Variants in CPNE4 observed in about 807,000 individuals in gnomAD.
CPNE4 encodes the protein copine 4, also known as copine-4.
A neutral mutation model predicts 67.9 loss-of-function variants in CPNE4; 25 were observed. That is an observed-to-expected ratio of 0.37 (90% confidence interval 0.27 to 0.51). The LOEUF is 0.51. Among genes scored for constraint, CPNE4 ranks in the 20% least tolerant of loss-of-function variants. The pLI, the probability that CPNE4 is intolerant of heterozygous loss-of-function variation, is 0.93. For synonymous variants in CPNE4, 242 were observed against 244.9 expected (o/e 0.99, Z 0.11); for missense variants, 464 against 690.8 (o/e 0.67, Z 3.68).
At chr3:131,956,378 G>A (rs1040702356) in intron 1 of CPNE4, among the ~76,000 whole-genome samples, 2 of 152,006 alleles carry the variant, frequency 1.3e-5, no homozygotes, top group Admixed American at 1.3e-4. Flanking sequence ...GCATATTTGT[G>A]ACTACCAAGT....
intron 1 of CPNE4, among the ~76,000 whole-genome samples, chr3:131,921,023 C>T (rs7627874): frequency 0.029 from 4,410 of 152,260 alleles, 216 homozygotes; most frequent in African/African-American, 0.1. Flanking sequence ...AGAACAAAGG[C>T]CTCCTGTCCA....
chr3:131,856,417 T>C (rs1473331584), intron 2 of CPNE4, among the ~76,000 whole-genome samples: 1 of 151,868 alleles, frequency 6.6e-6, no homozygotes, highest in Non-Finnish European at 1.5e-5. Context: ...GATCACATAC[T>C]CACTCCGTCA....
chr3:132,029,523 A>G (rs1214530893), intron 1 of CPNE4, among the ~76,000 whole-genome samples: 2 of 152,114 alleles, frequency 1.3e-5, no homozygotes, highest in Non-Finnish European at 2.9e-5. Context: ...CCGTCCTTCT[A>G]GACTCACCAG....
chr3:132,037,250 C>T (rs1489946695), upstream of CPNE4, among the ~76,000 whole-genome samples: 46 of 151,942 alleles, frequency 3.0e-4, no homozygotes, highest in Middle Eastern at 3.4e-3. Flanking sequence ...GCTTCAGCTC[C>T]GTAATTAGAA....
chr3:131,564,660 G>T (rs756435581), intron 10 of CPNE4, among the ~76,000 whole-genome samples: 2 of 151,942 alleles, frequency 1.3e-5, no homozygotes, highest in Admixed American at 6.6e-5. Context: ...CAAGAGTAAG[G>T]ATAGAATATC....
chr3:131,970,466 G>C (rs1583534902), intron 1 of CPNE4, among the ~76,000 whole-genome samples: 1 of 152,204 alleles, frequency 6.6e-6, no homozygotes, highest in African/African-American at 2.4e-5. Flanking sequence ...TTTTTTCTTA[G>C]AAATTGGTCT....
chr3:131,951,825 G>A (rs1451389226), intron 1 of CPNE4, among the ~76,000 whole-genome samples: 3 of 152,044 alleles, frequency 2.0e-5, no homozygotes, highest in South Asian at 4.2e-4. Flanking sequence ...TCGGCCTCCC[G>A]AGGTGCCGGG....
chr3:131,562,274 A>T (rs942073965), intron 11 of CPNE4, among the ~76,000 whole-genome samples: 2 of 152,060 alleles, frequency 1.3e-5, no homozygotes, highest in Non-Finnish European at 2.9e-5. Context: ...ATGTGAGGCG[A>T]TCAGGAAATG....
chr3:131,911,042 C>T (rs2088954657), intron 1 of CPNE4, among the ~76,000 whole-genome samples: 2 of 152,148 alleles, frequency 1.3e-5, no homozygotes, highest in Admixed American at 6.6e-5. Context: ...ATACCACCCT[C>T]ACCTTGAGTA....
At chr3:131,939,763 C>G (rs2071335047) in intron 1 of CPNE4, among the ~76,000 whole-genome samples, 1 of 152,118 alleles carries the variant, frequency 6.6e-6, no homozygotes. Flanking sequence ...ACAGTTCATC[C>G]TCTGACCATT....
intron 7 of CPNE4, among the ~76,000 whole-genome samples, chr3:131,606,132 G>A (rs1939489497): frequency 6.6e-6 from 1 of 152,168 alleles, no homozygotes. Context: ...AAGAACAGAT[G>A]ATTCCATTTG....
chr3:131,631,529 T>A (rs889381650), intron 7 of CPNE4, among the ~76,000 whole-genome samples: 1 of 152,264 alleles, frequency 6.6e-6, no homozygotes, highest in Non-Finnish European at 1.5e-5. Context: ...TGTGACTCTG[T>A]ATTTTTAAAT....
At chr3:131,560,351 A>T (rs536846007) in intron 11 of CPNE4, among the ~76,000 whole-genome samples, 1 of 152,054 alleles carries the variant, frequency 6.6e-6, no homozygotes, top group Non-Finnish European at 1.5e-5. Context: ...TCTCTCTATC[A>T]TCCCTGTTGA....
intron 7 of CPNE4, among the ~76,000 whole-genome samples, chr3:131,620,676 A>T (rs1425780289): frequency 6.6e-6 from 1 of 152,204 alleles, no homozygotes. Context: ...CTTATAATAG[A>T]GGGCAGGTGA....
intron 1 of CPNE4, among the ~76,000 whole-genome samples, chr3:131,939,099 C>T (rs977495620): frequency 3.3e-5 from 5 of 152,056 alleles, no homozygotes; most frequent in African/African-American, 4.8e-5. Flanking sequence ...GAATTGTAAA[C>T]GCATATACCC....
At chr3:131,906,794 T>G (rs1444841903) in intron 1 of CPNE4, among the ~76,000 whole-genome samples, 5 of 151,838 alleles carry the variant, frequency 3.3e-5, no homozygotes, top group Non-Finnish European at 4.4e-5. Context: ...GGTCAAATGG[T>G]ATTTCCAGTT....
chr3:131,541,340 C>T (rs764174661), intron 15 of CPNE4, among the ~76,000 whole-genome samples: 6 of 152,146 alleles, frequency 3.9e-5, no homozygotes, highest in Non-Finnish European at 7.3e-5. Context: ...CCTCCATGGA[C>T]ACAATGTATC....
chr3:131,551,876 A>G (rs1936193459), intron 13 of CPNE4, among the ~76,000 whole-genome samples: 1 of 152,074 alleles, frequency 6.6e-6, no homozygotes. Flanking sequence ...TTGTGAAATC[A>G]TGTCAGAGAA....
At position 131,696,626 on chromosome 3, in the gene CPNE4, A is replaced by G. The variant is rs2081164634; in HGVS notation, c.433-10T>C. On this transcript the variant is annotated splice_polypyrimidine_tract_variant and intron_variant, in intron 4 of 15. Coordinates refer to ENST00000429747, the MANE Select transcript of CPNE4 (RefSeq NM_130808.3). ...ATTCTTCAGCAATCACCTAAAGGAA[A>G]AAGCACACATCAGCTGCAATAGAGG... The G allele has an allele frequency of 1.2e-6, 2 of 1,613,578 alleles. No homozygotes were observed. Among genetic ancestry groups the G allele is most frequent in the Middle Eastern group, 1.7e-4 (1 of 6,058 alleles).
Sources: allele counts gnomAD v4.1 joint callset (sites outside exome capture counted in the v4.1 genomes callset), GRCh38; gene constraint gnomAD v4.1.1; transcripts MANE v1.5; gene names NCBI Gene and HGNC (gene_info 2026-07-23, HGNC 2026-07-21).